The following PPP1R35 variants were observed in gnomAD, a reference collection of about 807,000 sequenced individuals.
PPP1R35 encodes protein phosphatase 1 regulatory subunit 35, also known as UPF0683 protein C7orf47.
A neutral mutation model predicts 22.2 loss-of-function variants in PPP1R35; 23 were observed. The ratio of observed to expected loss-of-function variants is 1.04; its 90% confidence interval spans 0.75 to 1.47. The LOEUF is 1.47. Among genes scored for constraint, PPP1R35 ranks in the 40% most tolerant of loss-of-function variants. The pLI is 0.00. For synonymous variants in PPP1R35, 198 were observed against 165.7 expected (o/e 1.19, Z -1.50); for missense variants, 409 against 349.6 (o/e 1.17, Z -1.36).
Position 100,435,837 on chromosome 7 carries a change from G to T in PPP1R35, c.451+11C>A, listed in dbSNP as rs369385300. The T allele has an allele frequency of 1.3e-6, 2 of 1,580,792 alleles. No homozygotes were observed. Among genetic ancestry groups the T allele is most frequent in the African/African-American group, 1.3e-5 (1 of 74,526 alleles). ...GACTCCCGCACGCGGCCGGCCGCCC[G>T]CCCCCCTCACCCTCGGACACGCTCT... On this transcript the variant is annotated intron_variant, in intron 2 of 3. Transcript: ENST00000292330.
Position 100,435,299 on chromosome 7 carries a change from T to C in PPP1R35, c.*61A>G, listed in dbSNP as rs1798837598. The stretch of plus-strand genomic sequence containing the variant: ...GAGTCCCATTTATTAGCAAAATTAC[T>C]TTATTCTAACAAATAGTTTAACACA... On this transcript the variant is annotated 3_prime_UTR_variant, in exon 4 of 4. Coordinates refer to ENST00000292330, the MANE Select transcript of PPP1R35 (RefSeq NM_145030.4). 2 of 1,519,268 alleles carry C rather than the reference T, an allele frequency of 1.3e-6. No individual in the cohort carries two copies. Among genetic ancestry groups the C allele is most frequent in the Non-Finnish European group, 1.8e-6 (2 of 1,133,932 alleles). The allele number at this position is 1,519,268 out of a possible 1,614,324, so 94.1% of individuals were successfully genotyped here. A position where few individuals can be genotyped will look rare whatever the true frequency, so the allele number is the denominator to read the frequency against.
Position 100,436,322 on chromosome 7 carries a change from G to GATT in PPP1R35, c.52_53insAAT (p.Ala18delinsGluSer). On this transcript the variant is annotated protein_altering_variant, in exon 1 of 4. Coordinates refer to ENST00000292330, the MANE Select transcript of PPP1R35 (RefSeq NM_145030.4). ...CGGGGGTGGCCCCGGGACCGCCGCGGCTTCTTCCCCGTCCGCCGACTTCAG... is the reference window on the plus strand; with the variant it reads ...CGGGGGTGGCCCCGGGACCGCCGCGGATTCTTCTTCCCCGTCCGCCGACTTCAG... 1 of 1,392,410 alleles carries GATT rather than the reference G, an allele frequency of 7.2e-7. No homozygotes were observed. Among genetic ancestry groups the GATT allele is most frequent in the Non-Finnish European group, 9.4e-7 (1 of 1,064,916 alleles). The allele number at this position is 1,392,410 out of a possible 1,614,324, so 86.3% of individuals were successfully genotyped here. A position where few individuals can be genotyped will look rare whatever the true frequency, so the allele number is the denominator to read the frequency against.
At chr7:100,436,105 G>T in intron 1 of PPP1R35, 36 bp downstream of exon 1, 1 of 1,430,510 alleles carries the variant, frequency 7.0e-7, no homozygotes, top group Non-Finnish European at 9.1e-7. Context: ...TGGGCGCGAG[G>T]CCGTCGCGGG....
chr7:100,436,694 C>G (rs1200303185), upstream of PPP1R35: 2 of 251,534 alleles, frequency 8.0e-6, no homozygotes, highest in Non-Finnish European at 1.5e-5. Flanking sequence ...GAGCTGGGGT[C>G]GGTTGAAGCC....
rs1470002993 is a variant in PPP1R35, at chr7:100,435,498, C to T, written c.624G>A (p.Leu208=). 1.2e-6 allele frequency: 2 copies of T among 1,614,086 alleles called. No individual in the cohort carries two copies. The highest frequency in any genetic ancestry group is 2.2e-5 in the South Asian group (2 of 91,076). Residue 208 remains leucine (L), a synonymous_variant, in exon 4 of 4, where the codon TTG becomes TTA. Coordinates refer to ENST00000292330, the MANE Select transcript of PPP1R35 (RefSeq NM_145030.4). ...CATAAAATAGCGTTTCTGGGTCACA[C>T]AAGATGGTCATGTCTGGCCCAGGCC... The part of the protein sequence containing the change: ...PPGPGPDMTI[L]CDPETLFYES...
rs1361529957 is a variant in PPP1R35, at chr7:100,435,829, G to A, written c.451+19C>T. On this transcript the variant is annotated intron_variant, in intron 2 of 3. Coordinates refer to ENST00000292330, the MANE Select transcript of PPP1R35 (RefSeq NM_145030.4). ...CTCACCCCGACTCCCGCACGCGGCCGGCCGCCCGCCCCCCTCACCCTCGGA... is the reference window on the plus strand; with the variant it reads ...CTCACCCCGACTCCCGCACGCGGCCAGCCGCCCGCCCCCCTCACCCTCGGA... 3 of 1,576,018 alleles carry A rather than the reference G, an allele frequency of 1.9e-6. No individual in the cohort carries two copies. Among genetic ancestry groups the A allele is most frequent in the Non-Finnish European group, 2.6e-6 (3 of 1,167,802 alleles).
chr7:100,436,518 G>A (rs1316391376), upstream of PPP1R35: 4 of 498,936 alleles, frequency 8.0e-6, no homozygotes, highest in Non-Finnish European at 1.3e-5. Flanking sequence ...TTCGGGGGCG[G>A]AGTCAGCAGC....
At position 100,435,455 on chromosome 7, in the gene PPP1R35, G is replaced by A; in HGVS notation, c.667C>T (p.Leu223=). The change falls in exon 4 of 4, where the codon CTG becomes TTG. Residue 223 remains leucine (L), a synonymous_variant. Transcript: ENST00000292330. The part of the protein sequence containing the change: ...TLFYESPHLT[L]DGLPPLRLQL... ...AGTCGGAGAGGGGGCAGACCGTCCA[G>A]GGTCAGGTGTGGAGATTCATAAAAT... The A allele has an allele frequency of 6.2e-7, 1 of 1,613,848 alleles. No homozygotes were observed. Among genetic ancestry groups the A allele is most frequent in the Non-Finnish European group, 8.5e-7 (1 of 1,179,956 alleles).
chr7:100,436,396 G>C lies in PPP1R35; in HGVS notation c.-22C>G. The C allele has an allele frequency of 1.4e-6, 2 of 1,479,068 alleles. No individual in the cohort carries two copies. The highest frequency in any genetic ancestry group is 1.8e-6 in the Non-Finnish European group (2 of 1,107,812). The allele number at this position is 1,479,068 out of a possible 1,614,324, so 91.6% of individuals were successfully genotyped here. A position where few individuals can be genotyped will look rare whatever the true frequency, so the allele number is the denominator to read the frequency against. Reference sequence around the variant, plus strand: ...TCATCTTTGGAGGTGCCTTGAGGGTGCGGGGATGCGGGGGTCGCAGACGCT... The same window carrying C: ...TCATCTTTGGAGGTGCCTTGAGGGTCCGGGGATGCGGGGGTCGCAGACGCT... On this transcript the variant is annotated 5_prime_UTR_variant, in exon 1 of 4. Coordinates refer to ENST00000292330, the MANE Select transcript of PPP1R35 (RefSeq NM_145030.4).
At position 100,435,490 on chromosome 7, in the gene PPP1R35, G is replaced by C; in HGVS notation, c.632C>G (p.Pro211Arg). ...TGGAGATTCATAAAATAGCGTTTCT[G>C]GGTCACACAAGATGGTCATGTCTGG... is the stretch of plus-strand genomic sequence containing the variant. Reference protein sequence around the residue: ...PGPDMTILCDPETLFYESPHL... With the variant: ...PGPDMTILCDRETLFYESPHL... Residue 211 changes from proline (P) to arginine (R), a missense_variant, in exon 4 of 4, where the codon CCA becomes CGA. Pro to Arg is a moderately radical substitution (Grantham distance 103). Coordinates refer to ENST00000292330, the MANE Select transcript of PPP1R35 (RefSeq NM_145030.4). 1 of 1,613,978 alleles carries C rather than the reference G, an allele frequency of 6.2e-7. No homozygotes were observed. Among genetic ancestry groups the C allele is most frequent in the Non-Finnish European group, 8.5e-7 (1 of 1,179,992 alleles).
rs757067231 is a variant in PPP1R35, at chr7:100,435,354, T to C, written c.*6A>G. The C allele has an allele frequency of 2.5e-6, 4 of 1,583,082 alleles. No homozygotes were observed. The East Asian group carries it at 9.0e-5, about 35-fold the overall frequency. On this transcript the variant is annotated 3_prime_UTR_variant, in exon 4 of 4. Coordinates refer to ENST00000292330, the MANE Select transcript of PPP1R35 (RefSeq NM_145030.4). ...TACGAACTAGCCCTCCAGGGATCTT[T>C]GGGGTCTACGCTTCCCATCGCCTCA...
In PPP1R35 at chr7:100,435,946, G is replaced by C. The variant is rs770236566; in HGVS notation, c.353C>G (p.Ala118Gly). The C allele has an allele frequency of 6.3e-7, 1 of 1,591,820 alleles. No homozygotes were observed. The highest frequency in any genetic ancestry group is 1.1e-5 in the South Asian group (1 of 89,394). The change falls in exon 2 of 4, where the codon GCC (alanine) becomes GGC (glycine). Residue 118 changes from alanine to glycine, a missense_variant. Transcript: ENST00000292330. ...SSLALGLELR[A>G]AAGSHFDAAK... ...AGCATCAAAGTGGCTCCCGGCTGCG[G>C]CCCGCAGCTCCAGGCCCAAGGCCAG...
In PPP1R35 at chr7:100,435,633, T is replaced by G. The variant is rs751901097; in HGVS notation, c.586A>C (p.Lys196Gln). 1 of 1,612,810 alleles carries G rather than the reference T, an allele frequency of 6.2e-7. No individual in the cohort carries two copies. The highest frequency in any genetic ancestry group is 8.5e-7 in the Non-Finnish European group (1 of 1,179,732). ...GCCCCACGCCCAGACCCCATCACCT[T>G]TGGGTGCGGGGCTCGAGCCTGTGGC... ...LPPQARAPHPKEPPGPGPDMT... is the reference protein window; with the variant it reads ...LPPQARAPHPQEPPGPGPDMT... Residue 196 changes from lysine to glutamine, a missense_variant and splice_region_variant, in exon 3 of 4, where the codon AAG (lysine) becomes CAG (glutamine). Lys to Gln is a moderately conservative substitution (Grantham distance 53, BLOSUM62 1). Transcript: ENST00000292330.
In PPP1R35 at chr7:100,435,641, G is replaced by A. The variant is rs747706292; in HGVS notation, c.578C>T (p.Pro193Leu). 2 of 1,612,112 alleles carry A rather than the reference G, an allele frequency of 1.2e-6. No individual in the cohort carries two copies. Among genetic ancestry groups the A allele is most frequent in the South Asian group, 1.1e-5 (1 of 90,920 alleles). Residue 193 changes from proline to leucine, a missense_variant, in exon 3 of 4, where the codon CCG (proline) becomes CTG (leucine). Physicochemically the swap from Pro to Leu is moderately conservative, Grantham distance 98. Transcript: ENST00000292330. ...CCCAGACCCCATCACCTTTGGGTGC[G>A]GGGCTCGAGCCTGTGGCGGCAGGAG... ...LALLPPQARA[P>L]HPKEPPGPGP...
In PPP1R35 at chr7:100,435,912, G is replaced by T. The variant is rs752463738; in HGVS notation, c.387C>A (p.Ala129=). The change falls in exon 2 of 4, where the codon GCC becomes GCA. Residue 129 remains alanine (A), a synonymous_variant. Transcript: ENST00000292330. ...AAGSHFDAAK[A]VEEQLRKSFQ... is the part of the protein sequence containing the mutation. ...ACGACTTTCTCAGCTGTTCCTCCAC[G>T]GCCTTCGCAGCATCAAAGTGGCTCC... 9.4e-6 allele frequency: 15 copies of T among 1,601,362 alleles called. 1 individual carries two copies. The highest frequency in any genetic ancestry group is 5.9e-6 in the Non-Finnish European group (7 of 1,177,962).
rs773895197 is a variant in PPP1R35 at position 100,435,341 on chromosome 7, C to G, written c.*19G>C. The G allele has an allele frequency of 1.9e-6, 3 of 1,573,004 alleles. No individual in the cohort carries two copies. The highest frequency in any genetic ancestry group is 2.6e-6 in the Non-Finnish European group (3 of 1,164,292). The stretch of plus-strand genomic sequence containing the variant: ...TTTAACACAAAAATACGAACTAGCC[C>G]TCCAGGGATCTTTGGGGTCTACGCT... On this transcript the variant is annotated 3_prime_UTR_variant, in exon 4 of 4. Coordinates refer to ENST00000292330, the MANE Select transcript of PPP1R35 (RefSeq NM_145030.4).
upstream of PPP1R35, chr7:100,436,503 T>A: frequency 1.7e-6 from 1 of 599,144 alleles, no homozygotes; most frequent in Non-Finnish European, 2.6e-6. Context: ...CCGTTAACCC[T>A]TTCCTTCGGG....
rs774678733 is a variant in PPP1R35 at position 100,435,901 on chromosome 7, T to TG, written c.397dup (p.Gln133ProfsTer78). On this transcript the variant is annotated frameshift_variant, in exon 2 of 4. Coordinates refer to ENST00000292330, the MANE Select transcript of PPP1R35 (RefSeq NM_145030.4). LOFTEE classifies it high-confidence loss of function. ...GCGGATCTGGAACGACTTTCTCAGCTGTTCCTCCACGGCCTTCGCAGCATC... is the reference window on the plus strand; with the variant it reads ...GCGGATCTGGAACGACTTTCTCAGCTGGTTCCTCCACGGCCTTCGCAGCATC... 6.2e-7 allele frequency: 1 copy of TG among 1,601,694 alleles called. No individual in the cohort carries two copies. Among genetic ancestry groups the TG allele is most frequent in the Admixed American group, 1.7e-5 (1 of 59,392 alleles).
At position 100,436,422 on chromosome 7, in the gene PPP1R35, C is replaced by T. The variant is rs1333128762; in HGVS notation, c.-48G>A. On this transcript the variant is annotated 5_prime_UTR_variant, in exon 1 of 4. Transcript: ENST00000292330. ...CGGGGATGCGGGGGTCGCAGACGCT[C>T]CAACGGTCAGGGGACACAGCCTGGC... is the stretch of plus-strand genomic sequence containing the variant. 3 of 1,388,810 alleles carry T rather than the reference C, an allele frequency of 2.2e-6. No individual in the cohort carries two copies. The highest frequency in any genetic ancestry group is 1.4e-5 in the South Asian group (1 of 70,584). 86.0% of individuals were successfully genotyped at this position (1,388,810 alleles called of 1,614,324 possible). A position where few individuals can be genotyped will look rare whatever the true frequency, so the allele number is the denominator to read the frequency against.
Sources: gnomAD v4.1 joint callset for allele counts on GRCh38, gnomAD v4.1.1 for gene constraint, MANE v1.5 for transcripts, NCBI Gene and HGNC (gene_info 2026-07-23, HGNC 2026-07-21) for gene names.